Variants in CLASP2 observed in about 807,000 individuals in gnomAD.
CLASP2 encodes cytoplasmic linker associated protein 2.
Under a neutral mutation model 194.4 loss-of-function variants are expected in CLASP2, and 47 were observed. That is an observed-to-expected ratio of 0.24 (90% CI 0.19 to 0.31). The LOEUF is 0.31. Ranked by LOEUF, CLASP2 falls within the 10% of genes least tolerant of loss-of-function variation. CLASP2 has a pLI of 1.00. For missense variants in CLASP2, 1,445 were observed against 1,823.6 expected (o/e 0.79, Z 3.78); for synonymous variants, 619 against 633.5 (o/e 0.98, Z 0.34).
At chr3:33,565,514 A>G (rs1034211120) in intron 27 of CLASP2, among the ~76,000 whole-genome samples, 2 of 151,998 alleles carry the variant, frequency 1.3e-5, no homozygotes, top group Non-Finnish European at 2.9e-5. Context: ...TTACTTTATT[A>G]TAATAATACA....
intron 1 of CLASP2, among the ~76,000 whole-genome samples, chr3:33,700,678 T>A (rs1370653929): frequency 6.6e-6 from 1 of 151,734 alleles, no homozygotes; most frequent in Non-Finnish European, 1.5e-5. Flanking sequence ...AAACTCTGTC[T>A]CTACTAAAAA....
intron 10 of CLASP2, among the ~76,000 whole-genome samples, chr3:33,624,558 C>T (rs2077669144): frequency 6.6e-6 from 1 of 152,098 alleles, no homozygotes; most frequent in African/African-American, 2.4e-5. Flanking sequence ...ATGCCTGAAA[C>T]CTCAGATAGT....
At chr3:33,622,075 G>T in intron 11 of CLASP2, 60 bp downstream of exon 11, 2 of 1,248,714 alleles carry the variant, frequency 1.6e-6, no homozygotes, top group Non-Finnish European at 2.1e-6. Context: ...AATGAGCAAT[G>T]AATCAGTGAA....
At chr3:33,575,162 C>T (rs1234393587) in intron 24 of CLASP2, among the ~76,000 whole-genome samples, 1 of 152,014 alleles carries the variant, frequency 6.6e-6, no homozygotes, top group African/African-American at 2.4e-5. Context: ...CAATATATCC[C>T]ATGTTGAAGA....
intron 6 of CLASP2, among the ~76,000 whole-genome samples, chr3:33,682,445 T>C (rs1005870152): frequency 7.2e-5 from 11 of 152,190 alleles, no homozygotes; most frequent in Admixed American, 5.9e-4. Context: ...TTAAACCAAG[T>C]AATAGGTAAA....
chr3:33,587,035 C>G (rs1426118888), intron 21 of CLASP2, among the ~76,000 whole-genome samples: 1 of 152,142 alleles, frequency 6.6e-6, no homozygotes, highest in African/African-American at 2.4e-5. Context: ...TTTGATATTT[C>G]CAGATTTTTA....
intron 5 of CLASP2, among the ~76,000 whole-genome samples, chr3:33,686,390 G>C (rs1198755355): frequency 1.3e-5 from 2 of 152,168 alleles, no homozygotes; most frequent in African/African-American, 2.4e-5. Context: ...TTTACCGCCT[G>C]AACTCTACCT....
chr3:33,598,796 A>G (rs2071211933), intron 18 of CLASP2, among the ~76,000 whole-genome samples: 1 of 152,198 alleles, frequency 6.6e-6, no homozygotes. Context: ...CACTCAAGCA[A>G]TTCCATAAAC....
intron 36 of CLASP2, among the ~76,000 whole-genome samples, chr3:33,512,689 A>AG (rs1559799706): frequency 1.7e-5 from 1 of 57,180 alleles, no homozygotes; most frequent in Non-Finnish European, 3.7e-5. Flanking sequence ...CATACACTGG[A>AG]AAAAAAAAAA....
Position 33,559,323 on chromosome 3 carries a change from T to C in CLASP2, c.2993A>G (p.Gln998Arg), listed in dbSNP as rs778430865. The change falls in exon 29 of 39, where the codon CAG becomes CGG. Residue 998 changes from glutamine (Q) to arginine (R), a missense_variant. Physicochemically the swap from Gln to Arg is conservative, Grantham distance 43. Around this residue, in one of 4 missense-constraint regions of CLASP2, gnomAD observed 732 missense variants for 987.9 expected, o/e 0.74. Coordinates refer to ENST00000682230, the MANE Select transcript of CLASP2 (RefSeq NM_001365631.1). The part of the protein sequence containing the change: ...ILMRFTVDQT[Q>R]TPSLKVKVAI... Reference sequence around the variant, plus strand: ...AAGTTTTACCTTTAAGCTTGGTGTCTGGGTCTGATCAACTGTAAATCTCAT... The same window carrying C: ...AAGTTTTACCTTTAAGCTTGGTGTCCGGGTCTGATCAACTGTAAATCTCAT... 6.3e-7 allele frequency: 1 copy of C among 1,586,088 alleles called. No homozygotes were observed. The highest frequency in any genetic ancestry group is 1.1e-5 in the South Asian group (1 of 88,132).
Position 33,663,376 on chromosome 3 carries a change from T to G in CLASP2, c.715+69A>C, listed in dbSNP as rs575701927. 4.4e-6 allele frequency: 5 copies of G among 1,140,732 alleles called. No individual in the cohort carries two copies. The East Asian group carries it at 9.5e-5, about 22-fold the overall frequency. 70.7% of individuals were successfully genotyped at this position (1,140,732 alleles called of 1,614,324 possible). On this transcript the variant is annotated intron_variant, in intron 7 of 38. Coordinates refer to ENST00000682230, the MANE Select transcript of CLASP2 (RefSeq NM_001365631.1). ...TCAACTCTTTTGAATCAGTGATATA[T>G]AATACATTTTAGTGCCTAAAACTTT...
At chr3:33,519,766 TA>T (rs2052444929) in intron 34 of CLASP2, among the ~76,000 whole-genome samples, 1 of 152,200 alleles carries the variant, frequency 6.6e-6, no homozygotes, top group African/African-American at 2.4e-5. Flanking sequence ...AAAGAATGTT[TA>T]CTCAACATAA....
At chr3:33,635,348 T>C (rs1210066962) in intron 8 of CLASP2, among the ~76,000 whole-genome samples, 1 of 152,070 alleles carries the variant, frequency 6.6e-6, no homozygotes, top group African/African-American at 2.4e-5. Flanking sequence ...TATCATGAAG[T>C]GTCCAGTCTT....
chr3:33,566,273 T>C (rs930861519), intron 27 of CLASP2, among the ~76,000 whole-genome samples: 1 of 152,222 alleles, frequency 6.6e-6, no homozygotes, highest in Non-Finnish European at 1.5e-5. Flanking sequence ...TGTTTGCTTT[T>C]ATGGAATGAC....
intron 30 of CLASP2, among the ~76,000 whole-genome samples, chr3:33,550,020 C>A (rs2059750900): frequency 6.6e-6 from 1 of 152,094 alleles, no homozygotes; most frequent in South Asian, 2.1e-4. Flanking sequence ...AGGCGTGAGC[C>A]ACTGCGTCCG....
At chr3:33,598,079 G>A (rs549036123) in intron 18 of CLASP2, among the ~76,000 whole-genome samples, 2 of 152,038 alleles carry the variant, frequency 1.3e-5, no homozygotes, top group African/African-American at 4.8e-5. Context: ...ATTGCTTGAG[G>A]AAGGAGTAGC....
At chr3:33,585,588 T>C (rs2067175374) in intron 21 of CLASP2, among the ~76,000 whole-genome samples, 1 of 152,234 alleles carries the variant, frequency 6.6e-6, no homozygotes, top group Non-Finnish European at 1.5e-5. Context: ...TAAAGCTTTA[T>C]TTCCAATGGT....
chr3:33,519,458 T>C (rs143344213), intron 34 of CLASP2, among the ~76,000 whole-genome samples: 427 of 152,176 alleles, frequency 2.8e-3, no homozygotes, highest in African/African-American at 9.5e-3. Context: ...ACTTGAATAA[T>C]TATCTTTTGC....
At chr3:33,542,953 T>C (rs1015406663) in intron 32 of CLASP2, among the ~76,000 whole-genome samples, 5 of 152,198 alleles carry the variant, frequency 3.3e-5, no homozygotes, top group Non-Finnish European at 5.9e-5. Flanking sequence ...CCATATCCTA[T>C]ATATTATCAT....
Sources: allele counts gnomAD v4.1 joint callset (sites outside exome capture counted in the v4.1 genomes callset), GRCh38; gene constraint gnomAD v4.1.1; regional missense constraint gnomAD v4.1.1; transcripts MANE v1.5; gene names NCBI Gene and HGNC (gene_info 2026-07-23, HGNC 2026-07-21).